ZNF12: variants seen among roughly 807,000 people sequenced by gnomAD.
ZNF12 encodes gonadotropin inducible transcription repressor 3.
Under a neutral mutation model 66.6 loss-of-function variants are expected in ZNF12, and 34 were observed. The observed-to-expected ratio is 0.51, with a 90% CI of 0.39 to 0.68. The LOEUF (loss-of-function observed/expected upper bound fraction) is 0.68, where lower values mean the gene tolerates loss of function less well. Among genes scored for constraint, ZNF12 ranks in the 30% least tolerant of loss-of-function variants. The probability of loss-of-function intolerance (pLI) is 0.00; values close to 1 mark genes in which losing one functional copy is unlikely to be tolerated. For missense variants in ZNF12, 697 were observed against 826.9 expected, an observed-to-expected ratio of 0.84 and a Z score of 1.93; for synonymous variants, 320 against 278.9, an observed-to-expected ratio of 1.15 and a Z score of -1.47.
chr7:6,697,854 C>A lies in ZNF12; in HGVS notation c.16-43G>T, dbSNP rs778781599. 5.6e-6 allele frequency: 9 copies of A among 1,612,380 alleles called. No individual in the cohort carries two copies. Among genetic ancestry groups the A allele is most frequent in the Non-Finnish European group, 6.8e-6 (8 of 1,178,944 alleles). On this transcript the variant is annotated intron_variant, in intron 2 of 4. Transcript: ENST00000405858. The surrounding 1 kb of genome is among the most constrained non-coding windows in gnomAD (Gnocchi z 6.1). ...TTGGAATTGGGTGACGTGAAATAGG[C>A]ACATAGGTACAAGATCTTAGCATGC...
rs1315907037 is a variant in ZNF12, at chr7:6,690,474, A to G, written c.*374T>C. ...TTCTTTTTTTTTTTTCAAGTTTGCTATTGTATCAGAAACATATCTTTTAGT... is the reference window on the plus strand; with the variant it reads ...TTCTTTTTTTTTTTTCAAGTTTGCTGTTGTATCAGAAACATATCTTTTAGT... On this transcript the variant is annotated 3_prime_UTR_variant, in exon 5 of 5. Coordinates refer to ENST00000405858, the MANE Select transcript of ZNF12 (RefSeq NM_016265.4). 6.3e-6 allele frequency: 1 copy of G among 157,956 alleles called. No homozygotes were observed. The highest frequency in any genetic ancestry group is 6.5e-5 in the Admixed American group (1 of 15,464). The allele number at this position is 157,956 out of a possible 1,614,324, so 9.8% of individuals were successfully genotyped here.
chr7:6,697,060 A>G lies in ZNF12; in HGVS notation c.238+279T>C, dbSNP rs544457661. Among the ~76,000 whole-genome samples the G allele has an allele frequency of 3.5e-4, 53 of 152,230 alleles. No individual in the cohort carries two copies. In the South Asian group the frequency reaches 0.011, roughly 31 times the overall value. On this transcript the variant is annotated intron_variant, in intron 4 of 4. Transcript: ENST00000405858. The surrounding 1 kb of genome is among the most constrained non-coding windows in gnomAD (Gnocchi z 6.1). The stretch of plus-strand genomic sequence containing the variant: ...ACTTATAACACCTAAAAAATCCATG[A>G]TAATGGTTTCTGAAAATGCTAGAAG...
intron 4 of ZNF12, among the ~76,000 whole-genome samples, chr7:6,693,839 C>T (rs924852592): frequency 6.6e-6 from 1 of 152,198 alleles, no homozygotes; most frequent in Non-Finnish European, 1.5e-5. Flanking sequence ...AGTGCTTTCC[C>T]ACTCCTGAGT....
At chr7:6,703,024 A>T (rs1176659109) in intron 2 of ZNF12, among the ~76,000 whole-genome samples, 1 of 140,484 alleles carries the variant, frequency 7.1e-6, no homozygotes, top group African/African-American at 2.7e-5. Context: ...AACACAGCTA[A>T]CACAGCTCCC....
At position 6,691,263 on chromosome 7, in the gene ZNF12, TGA is replaced by T; in HGVS notation, c.1677_1678del (p.Gln560AspfsTer9). The stretch of plus-strand genomic sequence containing the variant: ...ATGATGTATAGTGAGGTATGACATC[TGA>T]GAGAAGAATTTTCCACATATATAGC... On this transcript the variant is annotated frameshift_variant, in exon 5 of 5. Coordinates refer to ENST00000405858, the MANE Select transcript of ZNF12 (RefSeq NM_016265.4). LOFTEE classifies it high-confidence loss of function. 1 of 1,614,144 alleles carries T rather than the reference TGA, an allele frequency of 6.2e-7. No homozygotes were observed. Among genetic ancestry groups the T allele is most frequent in the Non-Finnish European group, 8.5e-7 (1 of 1,179,996 alleles).
In ZNF12 at chr7:6,706,464, C is replaced by T; in HGVS notation, c.-83G>A. The T allele has an allele frequency of 4.2e-6, 2 of 478,628 alleles. No homozygotes were observed. The highest frequency in any genetic ancestry group is 8.3e-6 in the Non-Finnish European group (2 of 240,680). 29.6% of individuals were successfully genotyped at this position (478,628 alleles called of 1,614,324 possible). A position where few individuals can be genotyped will look rare whatever the true frequency, so the allele number is the denominator to read the frequency against. ...GGGCTCCGCAGCCTCTGCCCCACCGCTCCCGACAGGCCGGGGCGGGATTGC... is the reference window on the plus strand; with the variant it reads ...GGGCTCCGCAGCCTCTGCCCCACCGTTCCCGACAGGCCGGGGCGGGATTGC... On this transcript the variant is annotated 5_prime_UTR_variant, in exon 1 of 5. Transcript: ENST00000405858.
intron 2 of ZNF12, among the ~76,000 whole-genome samples, chr7:6,704,913 A>C (rs1327562258): frequency 6.6e-6 from 1 of 152,214 alleles, no homozygotes; most frequent in Non-Finnish European, 1.5e-5. Context: ...GATGGTATTT[A>C]TCATTTTTTG....
In ZNF12 at chr7:6,692,419, G is replaced by C; in HGVS notation, c.523C>G (p.Leu175Val). 1 of 1,613,308 alleles carries C rather than the reference G, an allele frequency of 6.2e-7. No homozygotes were observed. The highest frequency in any genetic ancestry group is 8.5e-7 in the Non-Finnish European group (1 of 1,179,570). The change falls in exon 5 of 5, where the codon CTC becomes GTC. Residue 175 changes from leucine (L) to valine (V), a missense_variant. Physicochemically the swap from Leu to Val is conservative, Grantham distance 32. Coordinates refer to ENST00000405858, the MANE Select transcript of ZNF12 (RefSeq NM_016265.4). This position sits in a 1 kb window ranked among gnomAD's most constrained non-coding sequence, Gnocchi z 5.1. ...ADECSGCGKSLLHIKLEKTHP... is the reference protein window; with the variant it reads ...ADECSGCGKSVLHIKLEKTHP... ...GTTTTCTCAAGCTTAATATGGAGGAGTGATTTCCCACATCCACTACATTCA... is the reference window on the plus strand; with the variant it reads ...GTTTTCTCAAGCTTAATATGGAGGACTGATTTCCCACATCCACTACATTCA...
In ZNF12 at chr7:6,705,213, C is replaced by T. The variant is rs752454560; in HGVS notation, c.-40G>A. Reference sequence around the variant, plus strand: ...GGAAAAATCTGGAGGACTGTGAAAGCGGAGGCAGATCTGGGGAAGGAAAAC... The same window carrying T: ...GGAAAAATCTGGAGGACTGTGAAAGTGGAGGCAGATCTGGGGAAGGAAAAC... On this transcript the variant is annotated 5_prime_UTR_variant, in exon 2 of 5. Transcript: ENST00000405858. This position sits in a 1 kb window ranked among gnomAD's most constrained non-coding sequence, Gnocchi z 4.0. 69 of 1,612,986 alleles carry T rather than the reference C, an allele frequency of 4.3e-5. No individual in the cohort carries two copies. The highest frequency in any genetic ancestry group is 4.9e-5 in the Non-Finnish European group (58 of 1,179,456).
intron 2 of ZNF12, among the ~76,000 whole-genome samples, chr7:6,701,876 A>G (rs1214527774): frequency 6.6e-6 from 1 of 151,812 alleles, no homozygotes; most frequent in African/African-American, 2.4e-5. Flanking sequence ...AAACAAAATG[A>G]AAAATCCTTT....
At chr7:6,693,756 T>C (rs557369618) in intron 4 of ZNF12, among the ~76,000 whole-genome samples, 1 of 152,332 alleles carries the variant, frequency 6.6e-6, no homozygotes, top group East Asian at 1.9e-4. Context: ...ATTCTTCCCA[T>C]CTTTCAATCT....
chr7:6,695,249 AG>A (rs1203051916), intron 4 of ZNF12, among the ~76,000 whole-genome samples: 1 of 152,214 alleles, frequency 6.6e-6, no homozygotes, highest in Non-Finnish European at 1.5e-5. Context: ...CCTTTCTCCT[AG>A]GAAGGATGGT....
At chr7:6,700,526 C>T (rs1780223791) in intron 2 of ZNF12, among the ~76,000 whole-genome samples, 1 of 152,124 alleles carries the variant, frequency 6.6e-6, no homozygotes, top group South Asian at 2.1e-4. Flanking sequence ...GGAGAGTCCT[C>T]TGTCTAGCAT....
chr7:6,699,709 G>A (rs1780205106), intron 2 of ZNF12, among the ~76,000 whole-genome samples: 1 of 152,156 alleles, frequency 6.6e-6, no homozygotes, highest in South Asian at 2.1e-4. Flanking sequence ...TATTCAAGTG[G>A]TAGGTCCCTG....
chr7:6,703,818 A>C (rs1423728503), intron 2 of ZNF12, among the ~76,000 whole-genome samples: 2 of 152,226 alleles, frequency 1.3e-5, no homozygotes, highest in Non-Finnish European at 2.9e-5. Context: ...GAGAAAGGGC[A>C]CTCAAACTGA....
Position 6,692,603 on chromosome 7 carries a change from T to C in ZNF12, c.339A>G (p.Arg113=). 1.2e-6 allele frequency: 2 copies of C among 1,613,804 alleles called. No individual in the cohort carries two copies. The highest frequency in any genetic ancestry group is 1.7e-6 in the Non-Finnish European group (2 of 1,179,824). ...CAAAAGTTTTACCAGGAACATTACC[T>C]CTCTCTTCAATCAGGGTCTCAATGA... ...TVFIETLIEE[R]GNVPGKTFDV... is the part of the protein sequence containing the mutation. The change falls in exon 5 of 5, where the codon AGA becomes AGG. Residue 113 remains arginine, a synonymous_variant. Transcript: ENST00000405858. This position sits in a 1 kb window ranked among gnomAD's most constrained non-coding sequence, Gnocchi z 5.1.
At position 6,691,998 on chromosome 7, in the gene ZNF12, T is replaced by C. The variant is rs765564322; in HGVS notation, c.944A>G (p.His315Arg). Residue 315 changes from histidine (H) to arginine (R), a missense_variant, in exon 5 of 5, where the codon CAT (histidine) becomes CGT (arginine). His to Arg is a conservative substitution (Grantham distance 29, BLOSUM62 0). This residue lies in a region of ZNF12 where 401 missense variants were observed against 519.0 expected (regional missense o/e 0.77). Transcript: ENST00000405858. ...CTTCTCCCCTGTGTGTGTTCTCTGA[T>C]GCACAGTAAGGGTTCCCTTCTGGCA... is the stretch of plus-strand genomic sequence containing the variant. ...SFCQKGTLTV[H>R]QRTHTGEKPY... is the part of the protein sequence containing the mutation. The C allele has an allele frequency of 6.2e-7, 1 of 1,614,112 alleles. No individual in the cohort carries two copies. The highest frequency in any genetic ancestry group is 8.5e-7 in the Non-Finnish European group (1 of 1,180,014).
chr7:6,703,292 A>G (rs943452354), intron 2 of ZNF12, among the ~76,000 whole-genome samples: 3 of 152,202 alleles, frequency 2.0e-5, no homozygotes, highest in African/African-American at 7.2e-5. Flanking sequence ...AATACTCGAC[A>G]TGGGAAATGC....
At chr7:6,701,235 C>T (rs1323855775) in intron 2 of ZNF12, among the ~76,000 whole-genome samples, 1 of 152,206 alleles carries the variant, frequency 6.6e-6, no homozygotes, top group Non-Finnish European at 1.5e-5. Context: ...CCCATAATTA[C>T]ATCCATGAAT....
Sources: allele counts gnomAD v4.1 joint callset (sites outside exome capture counted in the v4.1 genomes callset), GRCh38; gene constraint gnomAD v4.1.1; regional missense constraint gnomAD v4.1.1; non-coding constraint Gnocchi (gnomAD v3.1); transcripts MANE v1.5; gene names NCBI Gene and HGNC (gene_info 2026-07-23, HGNC 2026-07-21).